The following LUZP2 variants were observed in gnomAD, a reference collection of about 807,000 sequenced individuals.
The protein encoded by LUZP2 is leucine zipper protein 2.
In LUZP2, 52 loss-of-function variants were observed where a neutral mutation model predicts 51.6. The ratio of observed to expected loss-of-function variants is 1.01; its 90% CI spans 0.81 to 1.27. The LOEUF (loss-of-function observed/expected upper bound fraction) is 1.27. Ranked by LOEUF, LUZP2 falls within the 50% of genes most tolerant of loss-of-function variation. The pLI is 0.00. For synonymous variants in LUZP2, 154 were observed against 137.3 expected (o/e 1.12, Z -0.85); for missense variants, 436 against 395.4 (o/e 1.10, Z -0.87).
At chr11:24,962,474 T>C (rs1473838291) in intron 7 of LUZP2, among the ~76,000 whole-genome samples, 1 of 152,178 alleles carries the variant, frequency 6.6e-6, no homozygotes, top group Admixed American at 6.5e-5. Context: ...CTTTTTATTC[T>C]TTTTTCTCTA....
At chr11:24,704,145 C>T (rs896704068) in intron 1 of LUZP2, among the ~76,000 whole-genome samples, 3 of 152,002 alleles carry the variant, frequency 2.0e-5, no homozygotes, top group Admixed American at 6.6e-5. Flanking sequence ...TACGTTAACA[C>T]GGGAATATTA....
intron 1 of LUZP2, among the ~76,000 whole-genome samples, chr11:24,635,993 A>G (rs1312728613): frequency 6.6e-6 from 1 of 152,186 alleles, no homozygotes; most frequent in African/African-American, 2.4e-5. Flanking sequence ...GCTTGAAGAA[A>G]TCACACTGGG....
intron 1 of LUZP2, among the ~76,000 whole-genome samples, chr11:24,700,676 C>T (rs897885604): frequency 6.6e-5 from 10 of 151,746 alleles, no homozygotes; most frequent in Non-Finnish European, 1.3e-4. Flanking sequence ...CTGAATGGAG[C>T]AATTTTATTG....
chr11:24,827,341 G>A (rs1390137717), intron 5 of LUZP2, among the ~76,000 whole-genome samples: 1 of 152,014 alleles, frequency 6.6e-6, no homozygotes. Flanking sequence ...TCTTTTCAAA[G>A]TTTTATTTGT....
chr11:24,506,000 G>T (rs1850136206), intron 1 of LUZP2, among the ~76,000 whole-genome samples: 1 of 152,018 alleles, frequency 6.6e-6, no homozygotes, highest in African/African-American at 2.4e-5. Flanking sequence ...ACCTACAGGT[G>T]GCAGGACTAA....
At chr11:24,888,634 A>G (rs1852747061) in intron 5 of LUZP2, among the ~76,000 whole-genome samples, 1 of 152,088 alleles carries the variant, frequency 6.6e-6, no homozygotes, top group Non-Finnish European at 1.5e-5. Context: ...AGTTGTAGGA[A>G]TATTTGTTTT....
At chr11:24,926,427 G>GTA (rs1191551460) in intron 7 of LUZP2, among the ~76,000 whole-genome samples, 4 of 137,624 alleles carry the variant, frequency 2.9e-5, no homozygotes, top group African/African-American at 8.1e-5. Context: ...ATATATGTGT[G>GTA]TATATATATA....
At chr11:25,071,439 G>A (rs1002763942) in intron 10 of LUZP2, among the ~76,000 whole-genome samples, 1 of 151,750 alleles carries the variant, frequency 6.6e-6, no homozygotes, top group African/African-American at 2.4e-5. Flanking sequence ...GTGCTTTGTT[G>A]ATCGAGTTTA....
chr11:24,879,148 G>T (rs1305368879), intron 5 of LUZP2, among the ~76,000 whole-genome samples: 1 of 151,942 alleles, frequency 6.6e-6, no homozygotes, highest in East Asian at 1.9e-4. Context: ...TTTTCACTGT[G>T]TTAGCCAGGA....
chr11:24,898,920 A>G (rs1853179266), intron 5 of LUZP2, among the ~76,000 whole-genome samples: 1 of 151,658 alleles, frequency 6.6e-6, no homozygotes, highest in Non-Finnish European at 1.5e-5. Flanking sequence ...GAGACATCAC[A>G]TCATTTCCTG....
chr11:24,539,464 G>C (rs974367839), intron 1 of LUZP2, among the ~76,000 whole-genome samples: 6 of 151,860 alleles, frequency 4.0e-5, no homozygotes, highest in Non-Finnish European at 7.4e-5. Flanking sequence ...TCTTCTCTAA[G>C]TACAGATGTG....
intron 1 of LUZP2, among the ~76,000 whole-genome samples, chr11:24,590,555 G>A (rs539041227): frequency 6.6e-6 from 1 of 152,204 alleles, no homozygotes; most frequent in South Asian, 2.1e-4. Context: ...AACAGATAAA[G>A]TATAATGACT....
intron 7 of LUZP2, among the ~76,000 whole-genome samples, chr11:24,926,529 G>A (rs1854272076): frequency 6.8e-6 from 1 of 146,142 alleles, no homozygotes; most frequent in Admixed American, 6.9e-5. Flanking sequence ...GTATATATGT[G>A]TGTGTATATA....
At chr11:24,653,995 G>A (rs1458927676) in intron 1 of LUZP2, among the ~76,000 whole-genome samples, 1 of 152,200 alleles carries the variant, frequency 6.6e-6, no homozygotes. Flanking sequence ...AAATTTAACA[G>A]TTAATTGGAG....
intron 5 of LUZP2, among the ~76,000 whole-genome samples, chr11:24,806,649 G>A (rs1468841276): frequency 6.6e-6 from 1 of 152,172 alleles, no homozygotes; most frequent in Non-Finnish European, 1.5e-5. Flanking sequence ...GTAAGGCAAT[G>A]TGGACTCAAA....
chr11:25,074,065 C>T (rs1033602293), intron 10 of LUZP2, among the ~76,000 whole-genome samples: 3 of 152,114 alleles, frequency 2.0e-5, no homozygotes, highest in African/African-American at 7.2e-5. Context: ...AACCAATAGT[C>T]AAAACTACTT....
At position 24,895,674 on chromosome 11, in the gene LUZP2, G is replaced by A. The variant is rs1307976523; in HGVS notation, c.397-10317G>A. Among the ~76,000 whole-genome samples the A allele has an allele frequency of 2.0e-5, 3 of 152,164 alleles. No individual in the cohort carries two copies. In the South Asian group the frequency reaches 6.2e-4, roughly 32 times the overall value. ...AATATCCAGTTGCATCTATTTTGCTGCAAAGGACAAGACTTCCTTCTTTTT... is the reference window on the plus strand; with the variant it reads ...AATATCCAGTTGCATCTATTTTGCTACAAAGGACAAGACTTCCTTCTTTTT... On this transcript the variant is annotated intron_variant, in intron 5 of 11. Coordinates refer to ENST00000336930, the MANE Select transcript of LUZP2 (RefSeq NM_001009909.4).
intron 1 of LUZP2, among the ~76,000 whole-genome samples, chr11:24,590,906 G>A (rs921549182): frequency 1.3e-5 from 2 of 151,984 alleles, no homozygotes; most frequent in African/African-American, 4.8e-5. Flanking sequence ...AATATTAAAC[G>A]TAACTATTTT....
chr11:24,911,905 G>C (rs922282873), intron 6 of LUZP2, among the ~76,000 whole-genome samples: 2 of 152,136 alleles, frequency 1.3e-5, no homozygotes, highest in African/African-American at 4.8e-5. Context: ...ACTCAATCAT[G>C]TCTTTTTGTT....
Sources: gnomAD v4.1 joint callset for allele counts (sites outside exome capture counted in the v4.1 genomes callset) on GRCh38, gnomAD v4.1.1 for gene constraint, MANE v1.5 for transcripts, NCBI Gene and HGNC (gene_info 2026-07-23, HGNC 2026-07-21) for gene names.